NCAM2: variants seen among roughly 807,000 people sequenced by gnomAD.
The protein encoded by NCAM2 is N-CAM-2.
A neutral mutation model predicts 98.1 loss-of-function variants in NCAM2; 30 were observed. The ratio of observed to expected loss-of-function variants is 0.31; its 90% CI spans 0.23 to 0.41. The LOEUF (loss-of-function observed/expected upper bound fraction) is 0.41. Among genes scored for constraint, NCAM2 ranks in the 10% least tolerant of loss-of-function variants. NCAM2 has a pLI of 1.00. For missense variants in NCAM2, 867 were observed against 1,005.8 expected, an observed-to-expected ratio of 0.86 and a Z score of 1.87; for synonymous variants, 368 against 342.4, an observed-to-expected ratio of 1.07 and a Z score of -0.83.
rs79514697 is a variant in NCAM2 at position 21,177,173 on chromosome 21, G to A, written c.56-103405G>A. On this transcript the variant is annotated intron_variant, in intron 1 of 17. Transcript: ENST00000400546. ...ATTCAAGAAATCTTTAGATACAGCA[G>A]AAACTTAAATGAAAATCGTGTGTAG... Among the ~76,000 whole-genome samples, 177 of 152,164 alleles carry A rather than the reference G, an allele frequency of 1.2e-3. 1 individual carries two copies. The highest frequency in any genetic ancestry group is 4.1e-3 in the African/African-American group (172 of 41,546).
chr21:21,093,937 A>G (rs2066065824), intron 1 of NCAM2, among the ~76,000 whole-genome samples: 1 of 152,046 alleles, frequency 6.6e-6, no homozygotes, highest in Admixed American at 6.6e-5. Context: ...TTTCTCAAGG[A>G]AACATTTTCC....
At position 21,534,654 on chromosome 21, in the gene NCAM2, T is replaced by C. The variant is rs1246237046; in HGVS notation, c.2400T>C (p.Pro800=). 2 of 1,606,612 alleles carry C rather than the reference T, an allele frequency of 1.2e-6. No homozygotes were observed. Among genetic ancestry groups the C allele is most frequent in the Non-Finnish European group, 1.7e-6 (2 of 1,176,942 alleles). Residue 800 remains proline (P), a splice_region_variant and synonymous_variant, in exon 17 of 18, where the codon CCT becomes CCC. Coordinates refer to ENST00000400546, the MANE Select transcript of NCAM2 (RefSeq NM_004540.5). ...EPNETTPLTE[P]EKLPLKEEDG... ...ATGAAACCACACCACTGACAGAACC[T>C]GAGTATGTGGCTTGGAGTGCTCACT... is the stretch of plus-strand genomic sequence containing the variant.
chr21:21,351,644 CAA>C (rs1343885316), intron 8 of NCAM2, among the ~76,000 whole-genome samples: 1 of 151,984 alleles, frequency 6.6e-6, no homozygotes, highest in Admixed American at 6.6e-5. Flanking sequence ...ATTGTATGTT[CAA>C]AGTGTTTTAA....
chr21:21,249,525 G>A (rs1208840546), intron 1 of NCAM2, among the ~76,000 whole-genome samples: 1 of 151,962 alleles, frequency 6.6e-6, no homozygotes, highest in East Asian at 1.9e-4. Context: ...CTGAAATTTG[G>A]ATGTGTCTTA....
chr21:21,447,304 A>T (rs2146109597), intron 12 of NCAM2, among the ~76,000 whole-genome samples: 1 of 152,164 alleles, frequency 6.6e-6, no homozygotes, highest in East Asian at 1.9e-4. Flanking sequence ...TGGGGAAAGG[A>T]TATCCTTTTC....
chr21:21,468,730 A>G lies in NCAM2; in HGVS notation c.1843A>G (p.Lys615Glu), dbSNP rs1000266320. 1.2e-6 allele frequency: 2 copies of G among 1,612,134 alleles called. No individual in the cohort carries two copies. The highest frequency in any genetic ancestry group is 2.2e-5 in the South Asian group (2 of 91,004). ...SGKSFKLSIT[K>E]QDDGGAPILE... ...AAAGAGCTTTAAACTCAGCATCACCAAACAGGACGATGGAGGGGCCCCTAT... is the reference window on the plus strand; with the variant it reads ...AAAGAGCTTTAAACTCAGCATCACCGAACAGGACGATGGAGGGGCCCCTAT... Residue 615 changes from lysine to glutamate, a missense_variant, in exon 14 of 18, where the codon AAA becomes GAA. This residue lies in a region of NCAM2 where 234 missense variants were observed against 333.8 expected (regional missense o/e 0.70). Transcript: ENST00000400546.
At chr21:21,491,399 T>C (rs1986833299) in intron 15 of NCAM2, among the ~76,000 whole-genome samples, 1 of 151,794 alleles carries the variant, frequency 6.6e-6, no homozygotes. Flanking sequence ...TTTTCTCCAG[T>C]TCCTTTGGTC....
intron 11 of NCAM2, among the ~76,000 whole-genome samples, chr21:21,423,645 G>T (rs749607951): frequency 6.6e-6 from 1 of 152,044 alleles, no homozygotes; most frequent in Non-Finnish European, 1.5e-5. Flanking sequence ...ATTAAGGGAG[G>T]TCTCTGATAC....
chr21:21,028,780 A>T (rs1444521697), intron 1 of NCAM2, among the ~76,000 whole-genome samples: 3 of 152,206 alleles, frequency 2.0e-5, no homozygotes, highest in African/African-American at 7.2e-5. Flanking sequence ...CAGTGTTTCC[A>T]TATGAAGAAT....
At chr21:21,296,640 G>C (rs969200153) in intron 5 of NCAM2, among the ~76,000 whole-genome samples, 5 of 151,642 alleles carry the variant, frequency 3.3e-5, no homozygotes, top group Non-Finnish European at 7.4e-5. Flanking sequence ...GAGAGCAAGG[G>C]AGTTGACACA....
chr21:21,090,183 A>G (rs976845959), intron 1 of NCAM2, among the ~76,000 whole-genome samples: 2 of 152,230 alleles, frequency 1.3e-5, no homozygotes, highest in Non-Finnish European at 2.9e-5. Context: ...ATGTGTGTGC[A>G]CATTCAAGGT....
At chr21:21,317,119 C>T (rs1003650107) in intron 5 of NCAM2, among the ~76,000 whole-genome samples, 6 of 152,150 alleles carry the variant, frequency 3.9e-5, no homozygotes, top group African/African-American at 7.2e-5. Flanking sequence ...GTCTGAGAGA[C>T]GCTGCTGTAC....
chr21:21,485,761 A>T (rs1446846982), intron 15 of NCAM2, among the ~76,000 whole-genome samples: 1 of 152,200 alleles, frequency 6.6e-6, no homozygotes, highest in African/African-American at 2.4e-5. Flanking sequence ...TTGGTAAATC[A>T]AATGATTGGG....
At chr21:21,028,330 C>G (rs1039739011) in intron 1 of NCAM2, among the ~76,000 whole-genome samples, 3 of 152,112 alleles carry the variant, frequency 2.0e-5, no homozygotes, top group Non-Finnish European at 4.4e-5. Context: ...TGTTATTGAA[C>G]AAATAATGTT....
intron 5 of NCAM2, among the ~76,000 whole-genome samples, chr21:21,322,028 T>G (rs889624356): frequency 6.6e-6 from 1 of 152,202 alleles, no homozygotes; most frequent in Admixed American, 6.6e-5. Flanking sequence ...ACAGTGCTAT[T>G]CACAATAGCA....
chr21:21,476,450 A>C (rs1265892721), intron 14 of NCAM2, among the ~76,000 whole-genome samples: 4 of 152,014 alleles, frequency 2.6e-5, no homozygotes, highest in Non-Finnish European at 5.9e-5. Flanking sequence ...TTTTGTTATA[A>C]AGAGAAGGAA....
chr21:21,465,782 C>T (rs1983605502), intron 12 of NCAM2, among the ~76,000 whole-genome samples: 1 of 152,094 alleles, frequency 6.6e-6, no homozygotes, highest in East Asian at 1.9e-4. Flanking sequence ...TATCCCCTAG[C>T]TGAGTTTCTG....
At chr21:21,041,408 C>T (rs533145371) in intron 1 of NCAM2, among the ~76,000 whole-genome samples, 1 of 152,132 alleles carries the variant, frequency 6.6e-6, no homozygotes, top group Non-Finnish European at 1.5e-5. Context: ...GTGCTGGTGA[C>T]AGAAGGTGGG....
intron 15 of NCAM2, among the ~76,000 whole-genome samples, chr21:21,497,814 A>G (rs1987350661): frequency 6.6e-6 from 1 of 152,210 alleles, no homozygotes; most frequent in Non-Finnish European, 1.5e-5. Context: ...TGGTACATTA[A>G]AACGACCTTA....
Sources: gnomAD v4.1 joint callset for allele counts (sites outside exome capture counted in the v4.1 genomes callset) on GRCh38, gnomAD v4.1.1 for gene constraint, gnomAD v4.1.1 regional missense constraint, MANE v1.5 for transcripts, NCBI Gene and HGNC (gene_info 2026-07-23, HGNC 2026-07-21) for gene names.